Variants in SECISBP2 observed in about 807,000 individuals in gnomAD.
SECISBP2 encodes selenocysteine insertion sequence-binding protein 2.
A neutral mutation model predicts 98.2 loss-of-function variants in SECISBP2; 96 were observed. The observed-to-expected ratio is 0.98, with a 90% CI of 0.83 to 1.16. SECISBP2 has a LOEUF of 1.16. SECISBP2 is among the 50% of genes most tolerant of loss of function. SECISBP2 has a pLI of 0.00. For missense variants in SECISBP2, 1,046 were observed against 1,022.9 expected, an observed-to-expected ratio of 1.02 and a Z score of -0.31; for synonymous variants, 407 against 370.2, an observed-to-expected ratio of 1.10 and a Z score of -1.14.
chr9:89,347,475 T>C (rs920437861), intron 11 of SECISBP2, among the ~76,000 whole-genome samples: 49 of 147,704 alleles, frequency 3.3e-4, no homozygotes, highest in African/African-American at 1.0e-3. Context: ...CTTTTTTTTT[T>C]TTTTTTTTTT....
intron 2 of SECISBP2, among the ~76,000 whole-genome samples, chr9:89,321,362 T>C (rs1049136323): frequency 6.6e-6 from 1 of 152,228 alleles, no homozygotes; most frequent in Non-Finnish European, 1.5e-5. Context: ...TGGGCAGTGC[T>C]GAATTTAAAA....
chr9:89,319,535 T>C, intron 1 of SECISBP2, 117 bp from the exon 2 acceptor site: 1 of 1,220,164 alleles, frequency 8.2e-7, no homozygotes, highest in Non-Finnish European at 1.2e-6. Flanking sequence ...GCAGAAGTTT[T>C]TAAACAACAT....
chr9:89,352,475 C>G (rs548020807), intron 14 of SECISBP2, among the ~76,000 whole-genome samples: 1 of 152,306 alleles, frequency 6.6e-6, no homozygotes, highest in South Asian at 2.1e-4. Flanking sequence ...TCCAGAGACT[C>G]TGATTCTTGA....
In SECISBP2 at chr9:89,343,814, G is replaced by A. The variant is rs146720806; in HGVS notation, c.1435+2335G>A. Among the ~76,000 whole-genome samples, 1,041 of 152,300 alleles carry A rather than the reference G, an allele frequency of 6.8e-3. 15 individuals are homozygous for A. The highest frequency in any genetic ancestry group is 0.024 in the African/African-American group (986 of 41,558). ...CTGCGGTGAACATTCACATGCATGT[G>A]TCTTTATAGTAGAATGATTTATATT... On this transcript the variant is annotated intron_variant, in intron 10 of 16. Transcript: ENST00000375807.
chr9:89,332,626 A>G (rs1041242360), intron 5 of SECISBP2: 28 of 455,636 alleles, frequency 6.1e-5, no homozygotes, highest in African/African-American at 2.0e-4. Flanking sequence ...TAAAGCTGCT[A>G]TAAACATCCA....
At chr9:89,341,585 G>C in intron 10 of SECISBP2, 106 bp downstream of exon 10, 2 of 1,334,068 alleles carry the variant, frequency 1.5e-6, no homozygotes, top group Non-Finnish European at 2.1e-6. Flanking sequence ...AGATAAAACA[G>C]TGTGATGCTA....
chr9:89,334,147 C>A, intron 6 of SECISBP2: 5 of 1,152,112 alleles, frequency 4.3e-6, no homozygotes, highest in South Asian at 1.9e-5. Flanking sequence ...GTTAAAGGTA[C>A]ACTTCAAGGT....
At chr9:89,336,008 G>A (rs1340053096) in intron 7 of SECISBP2, among the ~76,000 whole-genome samples, 2 of 145,752 alleles carry the variant, frequency 1.4e-5, no homozygotes, top group Non-Finnish European at 3.0e-5. Context: ...CTAATTTTTG[G>A]TTAATGGAAT....
At chr9:89,320,200 A>T (rs2131514197) in intron 2 of SECISBP2, among the ~76,000 whole-genome samples, 1 of 152,118 alleles carries the variant, frequency 6.6e-6, no homozygotes, top group Non-Finnish European at 1.5e-5. Context: ...CCACAAAAAT[A>T]CAAAAATTAA....
Position 89,338,449 on chromosome 9 carries a change from C to G in SECISBP2, c.1090-9C>G. 1.2e-6 allele frequency: 2 copies of G among 1,612,474 alleles called. No individual in the cohort carries two copies. ...AAACAGGATTTTTTGCTTTGATTTT[C>G]TGTTCTAGTCTAAAGCATCACAAGG... On this transcript the variant is annotated splice_polypyrimidine_tract_variant and intron_variant, in intron 7 of 16. Coordinates refer to ENST00000375807, the MANE Select transcript of SECISBP2 (RefSeq NM_024077.5).
At chr9:89,343,025 G>A (rs773655934) in intron 10 of SECISBP2, among the ~76,000 whole-genome samples, 1 of 152,182 alleles carries the variant, frequency 6.6e-6, no homozygotes, top group African/African-American at 2.4e-5. Flanking sequence ...ATGACATTGT[G>A]TAGCTGAAAA....
chr9:89,334,554 C>T lies in SECISBP2; in HGVS notation c.913C>T (p.Arg305Ter), dbSNP rs1448402137. The T allele has an allele frequency of 1.2e-5, 19 of 1,613,942 alleles. No individual in the cohort carries two copies. Among genetic ancestry groups the T allele is most frequent in the Middle Eastern group, 1.6e-4 (1 of 6,084 alleles). ...LSWTPMGYVV[R>*]QTLSTELSAA... is the part of the protein sequence containing the mutation. The stretch of plus-strand genomic sequence containing the variant: ...TTGGACACCAATGGGTTATGTTGTT[C>T]GACAGACATTATCTACAGAACTGTC... Residue 305 changes from arginine to a stop codon, truncating the protein, a stop_gained, in exon 7 of 17, where the codon CGA (arginine) becomes TGA (stop). Transcript: ENST00000375807. LOFTEE classifies it high-confidence loss of function.
intron 11 of SECISBP2, 76 bp downstream of exon 11, chr9:89,347,124 T>G: frequency 2.1e-6 from 3 of 1,438,854 alleles, no homozygotes; most frequent in Non-Finnish European, 2.9e-6. Flanking sequence ...CTCCCAGCTC[T>G]TAGATTTTTA....
At chr9:89,345,325 T>C (rs1830267133) in intron 10 of SECISBP2, among the ~76,000 whole-genome samples, 1 of 152,198 alleles carries the variant, frequency 6.6e-6, no homozygotes, top group African/African-American at 2.4e-5. Context: ...CGCTTTGAAT[T>C]CAGCAAGCCC....
chr9:89,332,267 A>G (rs1196575461), intron 5 of SECISBP2, among the ~76,000 whole-genome samples: 1 of 152,092 alleles, frequency 6.6e-6, no homozygotes, highest in Admixed American at 6.5e-5. Context: ...CATTATCAAC[A>G]TCTTGTGCTA....
In SECISBP2 at chr9:89,352,174, T is replaced by A. The variant is rs560653660; in HGVS notation, c.2113+1322T>A. 7.2e-5 allele frequency among the ~76,000 whole-genome samples: 11 copies of A among 152,306 alleles called. No individual in the cohort carries two copies. The East Asian group carries it at 2.1e-3, about 29-fold the overall frequency. On this transcript the variant is annotated intron_variant, in intron 14 of 16. Transcript: ENST00000375807. The stretch of plus-strand genomic sequence containing the variant: ...TTTGTGGTGGTTGCTTAATTGTCTA[T>A]ATACTTAGCATTAATGAAACCTCAT...
At chr9:89,364,015 G>C, downstream of SECISBP2, 1 of 1,613,084 alleles carries the variant, frequency 6.2e-7, no homozygotes, top group Non-Finnish European at 8.5e-7. Context: ...TGCCCCATGA[G>C]GGTGCAGGGG....
intron 9 of SECISBP2, among the ~76,000 whole-genome samples, chr9:89,340,805 G>A (rs1452164334): frequency 6.6e-6 from 1 of 152,168 alleles, no homozygotes; most frequent in Admixed American, 6.5e-5. Context: ...TTTTTATATA[G>A]TCTCAAAACC....
intron 14 of SECISBP2, among the ~76,000 whole-genome samples, chr9:89,355,976 T>C (rs1003476197): frequency 2.6e-5 from 4 of 152,240 alleles, no homozygotes; most frequent in Non-Finnish European, 5.9e-5. Context: ...GACATCTTTT[T>C]ATATTTTTTC....
Sources: gnomAD v4.1 joint callset for allele counts (sites outside exome capture counted in the v4.1 genomes callset) on GRCh38, gnomAD v4.1.1 for gene constraint, MANE v1.5 for transcripts, NCBI Gene and HGNC (gene_info 2026-07-23, HGNC 2026-07-21) for gene names.